RNF216: variants seen among roughly 807,000 people sequenced by gnomAD.
The protein encoded by RNF216 is E3 ubiquitin-protein ligase RNF216.
RNF216 carries 72 observed loss-of-function variants against 110.8 expected under a neutral mutation model. The observed-to-expected ratio is 0.65, with a 90% confidence interval of 0.54 to 0.79. RNF216 has a LOEUF of 0.79. Ranked by LOEUF, RNF216 falls within the 30% of genes least tolerant of loss-of-function variation. RNF216 has a pLI of 0.00. For missense variants in RNF216, 1,342 were observed against 1,141.2 expected (o/e 1.18, Z -2.54); for synonymous variants, 495 against 407.5 (o/e 1.21, Z -2.59).
intron 8 of RNF216, among the ~76,000 whole-genome samples, chr7:5,723,192 A>T (rs1379792251): frequency 2.0e-5 from 3 of 152,220 alleles, no homozygotes; most frequent in African/African-American, 7.2e-5. Flanking sequence ...GCACTTAGAA[A>T]AGTGACTGGT....
rs1427634880 is a variant in RNF216, at chr7:5,641,290, G to A, written c.2246C>T (p.Ser749Phe). 2 of 1,614,078 alleles carry A rather than the reference G, an allele frequency of 1.2e-6. No individual in the cohort carries two copies. Among genetic ancestry groups the A allele is most frequent in the Non-Finnish European group, 1.7e-6 (2 of 1,180,048 alleles). Residue 749 changes from serine (S) to phenylalanine (F), a missense_variant, in exon 15 of 17, where the codon TCT (serine) becomes TTT (phenylalanine). By Grantham distance (155) the Ser-to-Phe change is radical. Coordinates refer to ENST00000389902, the MANE Select transcript of RNF216 (RefSeq NM_207111.4). Reference protein sequence around the residue: ...LIKSEGCNRMSCRCGAQMCYL... With the variant: ...LIKSEGCNRMFCRCGAQMCYL... ...GCACATCTGGGCACCACAGCGGCAA[G>A]ACATGCGGTTGCAGCCTTCAGATTT...
At chr7:5,656,353 C>T (rs1289959027) in intron 13 of RNF216, among the ~76,000 whole-genome samples, 1 of 152,198 alleles carries the variant, frequency 6.6e-6, no homozygotes, top group Non-Finnish European at 1.5e-5. Flanking sequence ...CCACATTCTT[C>T]AATCTGTGGT....
chr7:5,644,851 G>C (rs1266935186), intron 14 of RNF216, among the ~76,000 whole-genome samples: 3 of 142,742 alleles, frequency 2.1e-5, no homozygotes, highest in Non-Finnish European at 4.5e-5. Flanking sequence ...TTGAAACGGA[G>C]TCTTGCTCTG....
chr7:5,647,411 G>A (rs1788121989), intron 14 of RNF216, among the ~76,000 whole-genome samples: 1 of 140,660 alleles, frequency 7.1e-6, no homozygotes, highest in African/African-American at 2.6e-5. Context: ...ATGGCTTACT[G>A]CGGCCTCGAA....
At chr7:5,660,163 G>C (rs919624796) in intron 13 of RNF216, among the ~76,000 whole-genome samples, 4 of 150,362 alleles carry the variant, frequency 2.7e-5, no homozygotes, top group Non-Finnish European at 5.9e-5. Flanking sequence ...ATGTTTCCCA[G>C]GGTGCTCTCA....
rs572182905 is a variant in RNF216 at position 5,640,060 on chromosome 7, A to AT, written c.2382+1093dup. Among the ~76,000 whole-genome samples, 800 of 138,790 alleles carry AT rather than the reference A, an allele frequency of 5.8e-3. 1 individual carries two copies. Among genetic ancestry groups the AT allele is most frequent in the African/African-American group, 7.0e-3 (264 of 37,848 alleles). The allele number at this position is 138,790 out of a possible 152,430, so 91.1% of individuals were successfully genotyped here. On this transcript the variant is annotated intron_variant, in intron 15 of 16. Transcript: ENST00000389902. ...AGGCGTGAGCCACCGCGCCCGGCCAATTTTTTTTTTTTTTTTTAATGAGAT... is the reference window on the plus strand; with the variant it reads ...AGGCGTGAGCCACCGCGCCCGGCCAATTTTTTTTTTTTTTTTTTAATGAGAT...
rs1342955667 is a variant in RNF216, at chr7:5,741,668, G to C, written c.349C>G (p.Pro117Ala). 3.1e-6 allele frequency: 5 copies of C among 1,614,036 alleles called. No individual in the cohort carries two copies. The highest frequency in any genetic ancestry group is 3.4e-6 in the Non-Finnish European group (4 of 1,180,014). The change falls in exon 4 of 17, where the codon CCA becomes GCA. Residue 117 changes from proline (P) to alanine (A), a missense_variant. Physicochemically the swap from Pro to Ala is conservative, Grantham distance 27. Coordinates refer to ENST00000389902, the MANE Select transcript of RNF216 (RefSeq NM_207111.4). The part of the protein sequence containing the change: ...KSSYFSVCNN[P>A]LFDSGAQDDS... ...TCCTGTGCCCCAGAATCAAACAATGGGTTGTTACACACTGAAAAATAGCTG... is the reference window on the plus strand; with the variant it reads ...TCCTGTGCCCCAGAATCAAACAATGCGTTGTTACACACTGAAAAATAGCTG...
chr7:5,760,473 G>A (rs995292862), intron 2 of RNF216: 5 of 374,328 alleles, frequency 1.3e-5, no homozygotes, highest in African/African-American at 6.4e-5. Flanking sequence ...TCGAGATTAC[G>A]CCATTGCACT....
At chr7:5,754,317 A>G (rs1007933608) in intron 2 of RNF216, among the ~76,000 whole-genome samples, 1 of 151,894 alleles carries the variant, frequency 6.6e-6, no homozygotes, top group Admixed American at 6.6e-5. Flanking sequence ...TACTTTGAAC[A>G]GTTACTTAAA....
At chr7:5,754,119 G>GGTGTGT (rs10543449) in intron 2 of RNF216, among the ~76,000 whole-genome samples, 36 of 142,098 alleles carry the variant, frequency 2.5e-4, no homozygotes, top group African/African-American at 4.2e-4. Flanking sequence ...TCTTTTGTGT[G>GGTGTGT]GTGTGTGTGT....
intron 14 of RNF216, among the ~76,000 whole-genome samples, chr7:5,647,741 G>GT (rs899144208): frequency 6.6e-6 from 1 of 151,972 alleles, no homozygotes; most frequent in Non-Finnish European, 1.5e-5. Flanking sequence ...CTTACTTCCC[G>GT]TATCTATCAG....
At chr7:5,652,360 T>C in intron 14 of RNF216, 53 bp downstream of exon 14, 1 of 1,296,784 alleles carries the variant, frequency 7.7e-7, no homozygotes, top group East Asian at 2.3e-5. Context: ...AAAAAGCAGG[T>C]TAATGGGGAA....
intron 13 of RNF216, among the ~76,000 whole-genome samples, chr7:5,709,363 G>C (rs1792511894): frequency 6.6e-6 from 1 of 152,236 alleles, no homozygotes; most frequent in African/African-American, 2.4e-5. Flanking sequence ...TGGAGAGCCA[G>C]CGTCACAAAT....
chr7:5,682,578 T>C (rs1449078304), intron 13 of RNF216, among the ~76,000 whole-genome samples: 1 of 152,114 alleles, frequency 6.6e-6, no homozygotes, highest in Non-Finnish European at 1.5e-5. Flanking sequence ...GGGCTATTTT[T>C]GTATTTTTAG....
chr7:5,780,912 G>A (rs1230830407), intron 1 of RNF216, among the ~76,000 whole-genome samples: 1 of 152,166 alleles, frequency 6.6e-6, no homozygotes, highest in African/African-American at 2.4e-5. Flanking sequence ...CTGTTCCACC[G>A]GGAGCAGAAC....
chr7:5,766,656 G>C lies in RNF216; in HGVS notation c.-69-5518C>G, dbSNP rs78558809. 1.9e-3 allele frequency among the ~76,000 whole-genome samples: 287 copies of C among 152,262 alleles called. 3 individuals carry two copies. Among genetic ancestry groups the C allele is most frequent in the Middle Eastern group, 0.01 (3 of 294 alleles). ...TCCAGAACTGTGAGAAAATAAATTT[G>C]TTTTAAATGTCACCCAGCTGATGCT... On this transcript the variant is annotated intron_variant, in intron 1 of 16. Transcript: ENST00000389902.
At chr7:5,769,770 C>G (rs1796397179) in intron 1 of RNF216, among the ~76,000 whole-genome samples, 1 of 151,646 alleles carries the variant, frequency 6.6e-6, no homozygotes, top group African/African-American at 2.4e-5. Context: ...GGCGTGGTGA[C>G]TCACGCCTAT....
intron 2 of RNF216, among the ~76,000 whole-genome samples, chr7:5,753,649 A>AT (rs1795448538): frequency 6.6e-6 from 1 of 152,234 alleles, no homozygotes; most frequent in South Asian, 2.1e-4. Flanking sequence ...ACAAACTGGT[A>AT]TTTTTTCCTG....
chr7:5,633,375 AGACCAGTCTGAT>A (rs1164734705), intron 15 of RNF216, among the ~76,000 whole-genome samples: 2 of 151,958 alleles, frequency 1.3e-5, no homozygotes, highest in Non-Finnish European at 2.9e-5. Flanking sequence ...CAGGAGTTTG[AGACCAGTCTGAT>A]CAACACGGTG....
Sources: allele counts gnomAD v4.1 joint callset (sites outside exome capture counted in the v4.1 genomes callset), GRCh38; gene constraint gnomAD v4.1.1; transcripts MANE v1.5; gene names NCBI Gene and HGNC (gene_info 2026-07-23, HGNC 2026-07-21).